CERS6: variants seen among roughly 807,000 people sequenced by gnomAD.
CERS6 encodes LAG1 homolog, ceramide synthase 6.
CERS6 carries 26 observed loss-of-function variants against 56.8 expected under a neutral mutation model. The ratio of observed to expected loss-of-function variants is 0.46; its 90% CI spans 0.34 to 0.63. The LOEUF (loss-of-function observed/expected upper bound fraction) is 0.63. CERS6 is among the 30% of genes least tolerant of loss of function. The pLI is 0.01. For missense variants in CERS6, 415 were observed against 467.5 expected, an observed-to-expected ratio of 0.89 and a Z score of 1.04; for synonymous variants, 164 against 173.3, an observed-to-expected ratio of 0.95 and a Z score of 0.42.
At chr2:168,550,095 A>C (rs915692964) in intron 2 of CERS6, among the ~76,000 whole-genome samples, 4 of 152,214 alleles carry the variant, frequency 2.6e-5, no homozygotes, top group African/African-American at 9.6e-5. Flanking sequence ...AAGCACAAAA[A>C]AAGTGCCATT....
intron 1 of CERS6, among the ~76,000 whole-genome samples, chr2:168,511,026 G>A (rs1170913551): frequency 2.0e-5 from 3 of 152,112 alleles, no homozygotes; most frequent in African/African-American, 7.2e-5. Context: ...TCACTTTGCT[G>A]TAATATCTCT....
chr2:168,579,716 A>G (rs1683362295), intron 3 of CERS6, among the ~76,000 whole-genome samples: 1 of 152,108 alleles, frequency 6.6e-6, no homozygotes, highest in African/African-American at 2.4e-5. Context: ...GCTCTGGATT[A>G]AGATCCAATC....
intron 3 of CERS6, among the ~76,000 whole-genome samples, chr2:168,596,435 T>C (rs1419017765): frequency 2.0e-5 from 3 of 152,178 alleles, no homozygotes; most frequent in Non-Finnish European, 4.4e-5. Flanking sequence ...TGAATGGCTT[T>C]GGCAGAACGT....
At chr2:168,503,821 G>A (rs1694628462) in intron 1 of CERS6, among the ~76,000 whole-genome samples, 1 of 152,172 alleles carries the variant, frequency 6.6e-6, no homozygotes, top group Non-Finnish European at 1.5e-5. Context: ...GGAGTCAGGG[G>A]AGGAAACTTT....
intron 4 of CERS6, 125 bp downstream of exon 4, chr2:168,631,167 T>C (rs1008841123): frequency 7.9e-6 from 4 of 504,154 alleles, no homozygotes; most frequent in Non-Finnish European, 3.6e-6. Flanking sequence ...TAAGAATTAT[T>C]TGTGCATTTT....
chr2:168,503,619 G>A (rs1238706181), intron 1 of CERS6, among the ~76,000 whole-genome samples: 2 of 152,178 alleles, frequency 1.3e-5, no homozygotes, highest in Non-Finnish European at 2.9e-5. Context: ...GAGTCTGCTT[G>A]TTGACTGTAA....
At chr2:168,664,567 A>G (rs1685709580) in intron 4 of CERS6, among the ~76,000 whole-genome samples, 1 of 152,168 alleles carries the variant, frequency 6.6e-6, no homozygotes, top group South Asian at 2.1e-4. Flanking sequence ...TTTTATGGTT[A>G]CTTTTTGGTG....
chr2:168,662,120 GC>G (rs1685645417), intron 4 of CERS6, among the ~76,000 whole-genome samples: 1 of 127,672 alleles, frequency 7.8e-6, no homozygotes, highest in Admixed American at 7.9e-5. Flanking sequence ...ACCATTCAAG[GC>G]TGTCTCTTTT....
intron 5 of CERS6, among the ~76,000 whole-genome samples, chr2:168,693,095 T>C (rs1477419789): frequency 6.6e-6 from 1 of 152,164 alleles, no homozygotes; most frequent in Non-Finnish European, 1.5e-5. Context: ...TAATGTGAAG[T>C]TGCATTCAGT....
intron 1 of CERS6, among the ~76,000 whole-genome samples, chr2:168,524,004 C>T (rs1181334875): frequency 6.6e-6 from 1 of 152,188 alleles, no homozygotes; most frequent in African/African-American, 2.4e-5. Flanking sequence ...CTGGATGCTC[C>T]TGCAAATAGA....
intron 3 of CERS6, among the ~76,000 whole-genome samples, chr2:168,627,692 T>C (rs916956967): frequency 3.3e-5 from 5 of 152,092 alleles, no homozygotes; most frequent in African/African-American, 1.2e-4. Context: ...TCGCTTTGAA[T>C]TGATATTGTT....
chr2:168,741,975 C>T (rs896927446), intron 8 of CERS6, among the ~76,000 whole-genome samples: 4 of 152,260 alleles, frequency 2.6e-5, no homozygotes, highest in African/African-American at 4.8e-5. Context: ...ATTGAGGTCC[C>T]GCCCAACTTC....
intron 5 of CERS6, 81 bp from the exon 6 acceptor site, chr2:168,694,878 G>A: frequency 9.6e-7 from 1 of 1,044,894 alleles, no homozygotes; most frequent in Non-Finnish European, 1.5e-6. Flanking sequence ...TTACTTTTGA[G>A]CAGTGAGCTT....
chr2:168,471,802 A>G (rs1232926477), intron 1 of CERS6, among the ~76,000 whole-genome samples: 1 of 152,206 alleles, frequency 6.6e-6, no homozygotes, highest in Non-Finnish European at 1.5e-5. Flanking sequence ...CTTACTTTAA[A>G]AGCCAATCTA....
chr2:168,576,207 G>T (rs1683265157), intron 3 of CERS6, among the ~76,000 whole-genome samples: 1 of 152,088 alleles, frequency 6.6e-6, no homozygotes, highest in African/African-American at 2.4e-5. Flanking sequence ...AGAGTTGATG[G>T]TCCCCTCATT....
chr2:168,573,204 G>A (rs1052917592), intron 3 of CERS6, among the ~76,000 whole-genome samples: 8 of 152,282 alleles, frequency 5.3e-5, no homozygotes, highest in African/African-American at 1.9e-4. Context: ...GGAAAAAAAG[G>A]ATAAAATCAC....
chr2:168,618,626 T>C (rs1684378230), intron 3 of CERS6, among the ~76,000 whole-genome samples: 2 of 152,116 alleles, frequency 1.3e-5, no homozygotes, highest in South Asian at 4.1e-4. Context: ...CAACCCCTTT[T>C]ACAGTAGCTG....
intron 1 of CERS6, among the ~76,000 whole-genome samples, chr2:168,479,672 G>T (rs530124450): frequency 6.6e-6 from 1 of 152,040 alleles, no homozygotes; most frequent in African/African-American, 2.4e-5. Context: ...GCAATGGCGC[G>T]ATCTCGGCTC....
intron 8 of CERS6, among the ~76,000 whole-genome samples, chr2:168,764,965 A>T (rs1684688496): frequency 6.6e-6 from 1 of 152,190 alleles, no homozygotes; most frequent in Admixed American, 6.5e-5. Context: ...GGTAGAAGCA[A>T]CCCAAGTTCC....
Sources: allele counts gnomAD v4.1 joint callset (sites outside exome capture counted in the v4.1 genomes callset), GRCh38; gene constraint gnomAD v4.1.1; transcripts MANE v1.5; gene names NCBI Gene and HGNC (gene_info 2026-07-23, HGNC 2026-07-21).